Variants in PCCA observed in about 807,000 individuals in gnomAD.
PCCA encodes propionyl-CoA carboxylase subunit alpha.
PCCA carries 74 observed loss-of-function variants against 101.3 expected under a neutral mutation model. The ratio of observed to expected loss-of-function variants is 0.73; its 90% CI spans 0.61 to 0.89. The LOEUF is 0.89. Among genes scored for constraint, PCCA ranks in the 40% least tolerant of loss-of-function variants. The probability of loss-of-function intolerance (pLI) is 0.00; values close to 1 mark genes in which losing one functional copy is unlikely to be tolerated. For synonymous variants in PCCA, 294 were observed against 313.6 expected (o/e 0.94, Z 0.66); for missense variants, 891 against 907.0 (o/e 0.98, Z 0.23).
chr13:100,231,593 A>G (rs2060475558), intron 7 of PCCA, among the ~76,000 whole-genome samples: 1 of 152,210 alleles, frequency 6.6e-6, no homozygotes, highest in Non-Finnish European at 1.5e-5. Flanking sequence ...AACTTCAGGC[A>G]TGGCTGATTT....
At chr13:100,273,380 C>T (rs755328213) in intron 12 of PCCA, 34 bp downstream of exon 12, 1 of 1,552,762 alleles carries the variant, frequency 6.4e-7, no homozygotes, top group East Asian at 2.2e-5. Context: ...CTCTCCATGC[C>T]TCTGTACTTT....
At chr13:100,432,637 A>C (rs2079636823) in intron 20 of PCCA, among the ~76,000 whole-genome samples, 1 of 152,196 alleles carries the variant, frequency 6.6e-6, no homozygotes, top group Admixed American at 6.5e-5. Flanking sequence ...CGTCCATCAA[A>C]ATGCCATTGT....
chr13:100,089,115 A>T lies in PCCA; in HGVS notation c.-6A>T. 6.7e-7 allele frequency: 1 copy of T among 1,491,352 alleles called. No individual in the cohort carries two copies. The highest frequency in any genetic ancestry group is 1.3e-5 in the South Asian group (1 of 75,598). The allele number at this position is 1,491,352 out of a possible 1,614,324, so 92.4% of individuals were successfully genotyped here. On this transcript the variant is annotated 5_prime_UTR_variant, in exon 1 of 24. Transcript: ENST00000376285. ...GTCAGCAGAGGGGCGGTCTGCGGGG[A>T]CAACAATGGCGGGGTTCTGGGTCGG...
chr13:100,443,121 A>T (rs1348114578), intron 20 of PCCA, among the ~76,000 whole-genome samples: 1 of 152,128 alleles, frequency 6.6e-6, no homozygotes, highest in Non-Finnish European at 1.5e-5. Context: ...TGATTTGACC[A>T]TTGCAGACCT....
chr13:100,299,933 CA>C, intron 12 of PCCA, among the ~76,000 whole-genome samples: 1 of 152,226 alleles, frequency 6.6e-6, no homozygotes. Context: ...AGGCTGGTCT[CA>C]AACTCCTGAC....
chr13:100,452,940 G>A (rs898864086), intron 21 of PCCA, among the ~76,000 whole-genome samples: 12 of 152,202 alleles, frequency 7.9e-5, no homozygotes, highest in South Asian at 4.1e-4. Context: ...TCGGTGGCTC[G>A]TGCCTATAAA....
At chr13:100,322,702 C>G (rs2068199696) in intron 16 of PCCA, among the ~76,000 whole-genome samples, 1 of 151,958 alleles carries the variant, frequency 6.6e-6, no homozygotes, top group Non-Finnish European at 1.5e-5. Flanking sequence ...TCCCAAGTAC[C>G]TGGGACTATA....
At position 100,370,074 on chromosome 13, in the gene PCCA, C is replaced by CTTTTTTT. The variant is rs386380451; in HGVS notation, c.1746+1519_1746+1525dup. On this transcript the variant is annotated intron_variant, in intron 19 of 23. Coordinates refer to ENST00000376285, the MANE Select transcript of PCCA (RefSeq NM_000282.4). ...AGATTACTTTTCAGAGCTGTTACTT[C>CTTTTTTT]TTTTTTTTTTTTTTTTTTTTTTTTT... Among the ~76,000 whole-genome samples the CTTTTTTT allele has an allele frequency of 1.3e-3, 99 of 74,672 alleles. 5 individuals are homozygous for CTTTTTTT. Among genetic ancestry groups the CTTTTTTT allele is most frequent in the African/African-American group, 2.8e-3 (50 of 17,934 alleles). The allele number at this position is 74,672 out of a possible 152,430, so 49.0% of individuals were successfully genotyped here. A position where few individuals can be genotyped will look rare whatever the true frequency, so the allele number is the denominator to read the frequency against.
intron 12 of PCCA, among the ~76,000 whole-genome samples, chr13:100,296,254 T>G (rs1443885494): frequency 6.6e-6 from 1 of 151,968 alleles, no homozygotes; most frequent in African/African-American, 2.4e-5. Context: ...TTTTTTATTT[T>G]TTTGAGGCAG....
At chr13:100,390,962 G>A (rs972023674) in intron 19 of PCCA, among the ~76,000 whole-genome samples, 4 of 152,098 alleles carry the variant, frequency 2.6e-5, no homozygotes, top group African/African-American at 7.2e-5. Context: ...GCCAGAAGAA[G>A]GGAATTTTTG....
In PCCA at chr13:100,301,492, C is replaced by A; in HGVS notation, c.1098C>A (p.Gly366=). The change falls in exon 13 of 24, where the codon GGC becomes GGA. Residue 366 remains glycine (G), a synonymous_variant. Transcript: ENST00000376285. The stretch of plus-strand genomic sequence containing the variant: ...ATCCTGTCACAGAATGCATTACTGG[C>A]CTGGACCTAGTCCAGGAAATGATCC... ...VEHPVTECIT[G]LDLVQEMIRV... is the part of the protein sequence containing the mutation. The A allele has an allele frequency of 6.2e-7, 1 of 1,614,068 alleles. No homozygotes were observed. The highest frequency in any genetic ancestry group is 1.1e-5 in the South Asian group (1 of 91,082).
At chr13:100,180,433 T>C (rs2056686478) in intron 6 of PCCA, among the ~76,000 whole-genome samples, 1 of 152,182 alleles carries the variant, frequency 6.6e-6, no homozygotes, top group African/African-American at 2.4e-5. Context: ...GTTAATCTAA[T>C]ACCAAGATCC....
chr13:100,216,148 C>T (rs1228834567), intron 7 of PCCA, among the ~76,000 whole-genome samples: 1 of 144,782 alleles, frequency 6.9e-6, no homozygotes, highest in Non-Finnish European at 1.5e-5. Flanking sequence ...GGATACAGAA[C>T]CCAAGGATAT....
chr13:100,469,569 G>A (rs7318347), intron 21 of PCCA, among the ~76,000 whole-genome samples: 4,886 of 152,132 alleles, frequency 0.032, 281 homozygotes, highest in African/African-American at 0.11. Context: ...ACAAGGTGAA[G>A]AGTTCAAGAC....
chr13:100,312,033 A>T (rs2066956077), intron 16 of PCCA, among the ~76,000 whole-genome samples: 1 of 152,160 alleles, frequency 6.6e-6, no homozygotes, highest in Admixed American at 6.5e-5. Flanking sequence ...GCACATGAGG[A>T]CACTGATGAT....
At chr13:100,464,115 G>A (rs188389131) in intron 21 of PCCA, among the ~76,000 whole-genome samples, 13 of 152,218 alleles carry the variant, frequency 8.5e-5, no homozygotes, top group Non-Finnish European at 1.9e-4. Context: ...GTAAAAATTA[G>A]ACATGGAATA....
At chr13:100,349,360 C>G (rs562853634) in intron 18 of PCCA, among the ~76,000 whole-genome samples, 1 of 152,284 alleles carries the variant, frequency 6.6e-6, no homozygotes, top group Non-Finnish European at 1.5e-5. Context: ...CTCCTGACCT[C>G]AGATAATCCA....
intron 10 of PCCA, among the ~76,000 whole-genome samples, chr13:100,266,588 C>T (rs1405605480): frequency 6.6e-6 from 1 of 152,202 alleles, no homozygotes; most frequent in African/African-American, 2.4e-5. Flanking sequence ...TCCCTAAATG[C>T]AGGCACCGTT....
At chr13:100,099,517 C>G (rs1223755609) in intron 1 of PCCA, among the ~76,000 whole-genome samples, 2 of 151,994 alleles carry the variant, frequency 1.3e-5, no homozygotes, top group Non-Finnish European at 2.9e-5. Context: ...CAGGGTTTCA[C>G]TGTGTTAGCC....
Sources: allele counts gnomAD v4.1 joint callset (sites outside exome capture counted in the v4.1 genomes callset), GRCh38; gene constraint gnomAD v4.1.1; transcripts MANE v1.5; gene names NCBI Gene and HGNC (gene_info 2026-07-23, HGNC 2026-07-21).